Variants in HGF observed in about 807,000 individuals in gnomAD.
HGF encodes hepatocyte growth factor.
A neutral mutation model predicts 111.6 loss-of-function variants in HGF; 39 were observed. The ratio of observed to expected loss-of-function variants is 0.35; its 90% CI spans 0.27 to 0.46. The LOEUF (loss-of-function observed/expected upper bound fraction) is 0.46, where lower values mean the gene tolerates loss of function less well. Ranked by LOEUF, HGF falls within the 20% of genes least tolerant of loss-of-function variation. HGF has a pLI of 1.00. For missense variants in HGF, 735 were observed against 910.5 expected, an observed-to-expected ratio of 0.81 and a Z score of 2.48; for synonymous variants, 285 against 294.8, an observed-to-expected ratio of 0.97 and a Z score of 0.34.
At position 81,699,476 on chromosome 7, in the gene HGF, G is replaced by T. The variant is rs1034275731; in HGVS notation, c.*3105C>A. 6.6e-6 allele frequency: 1 copy of T among 151,476 alleles called. No individual in the cohort carries two copies. The highest frequency in any genetic ancestry group is 1.5e-5 in the Non-Finnish European group (1 of 67,664). The allele number at this position is 151,476 out of a possible 1,614,324, so 9.4% of individuals were successfully genotyped here. A position where few individuals can be genotyped will look rare whatever the true frequency, so the allele number is the denominator to read the frequency against. On this transcript the variant is annotated 3_prime_UTR_variant, in exon 18 of 18. Coordinates refer to ENST00000222390, the MANE Select transcript of HGF (RefSeq NM_000601.6). ...TTAGTTTTATTTTTTAAATGAGTTT[G>T]CCTATATGTATGGGATGTAATTAAT...
At chr7:81,736,293 C>T (rs1368033429) in intron 7 of HGF, among the ~76,000 whole-genome samples, 2 of 152,088 alleles carry the variant, frequency 1.3e-5, no homozygotes, top group Admixed American at 6.6e-5. Context: ...TCAAATGTGA[C>T]TCATTCCTTT....
chr7:81,723,589 T>C (rs1237168149), intron 9 of HGF, among the ~76,000 whole-genome samples: 1 of 151,128 alleles, frequency 6.6e-6, no homozygotes, highest in Non-Finnish European at 1.5e-5. Context: ...ATATAATATG[T>C]AGTGTTTTAT....
intron 17 of HGF, among the ~76,000 whole-genome samples, chr7:81,703,339 T>C (rs1406768284): frequency 6.6e-6 from 1 of 151,006 alleles, no homozygotes; most frequent in East Asian, 1.9e-4. Flanking sequence ...GAAATTGCTT[T>C]TCCAGGCAAG....
intron 11 of HGF, among the ~76,000 whole-genome samples, chr7:81,714,830 C>A (rs1476375226): frequency 6.6e-6 from 1 of 151,898 alleles, no homozygotes; most frequent in Non-Finnish European, 1.5e-5. Flanking sequence ...TATTATCACC[C>A]TTTCACCAGG....
At chr7:81,737,484 T>C (rs796576849) in intron 7 of HGF, among the ~76,000 whole-genome samples, 4 of 152,058 alleles carry the variant, frequency 2.6e-5, no homozygotes, top group African/African-American at 9.6e-5. Context: ...CTTTCAGGGG[T>C]CCAGGAGATC....
At chr7:81,707,653 C>G (rs1471462068) in intron 13 of HGF, among the ~76,000 whole-genome samples, 1 of 151,998 alleles carries the variant, frequency 6.6e-6, no homozygotes, top group African/African-American at 2.4e-5. Flanking sequence ...CACACATATT[C>G]GTGTGTATGT....
rs1316912141 is a variant in HGF at position 81,701,906 on chromosome 7, G to C, written c.*675C>G. 6.4e-6 allele frequency: 1 copy of C among 157,168 alleles called. No individual in the cohort carries two copies. Among genetic ancestry groups the C allele is most frequent in the African/African-American group, 2.4e-5 (1 of 41,538 alleles). 9.7% of individuals were successfully genotyped at this position (157,168 alleles called of 1,614,324 possible). A position where few individuals can be genotyped will look rare whatever the true frequency, so the allele number is the denominator to read the frequency against. Reference sequence around the variant, plus strand: ...TGCATCATTTTTTAATATTTCTACTGGTCTTTAGAGATTTCTGGTTTTTTT... The same window carrying C: ...TGCATCATTTTTTAATATTTCTACTCGTCTTTAGAGATTTCTGGTTTTTTT... On this transcript the variant is annotated 3_prime_UTR_variant, in exon 18 of 18. Coordinates refer to ENST00000222390, the MANE Select transcript of HGF (RefSeq NM_000601.6).
Position 81,705,676 on chromosome 7 carries a change from C to T in HGF, c.1835G>A (p.Cys612Tyr), listed in dbSNP as rs2115765538. Residue 612 changes from cysteine to tyrosine, a missense_variant, in exon 16 of 18, where the codon TGC (cysteine) becomes TAC (tyrosine). Around this residue, in one of 3 missense-constraint regions of HGF, gnomAD observed 130 missense variants for 129.9 expected, o/e 1.00. Coordinates refer to ENST00000222390, the MANE Select transcript of HGF (RefSeq NM_000601.6). ...AGTGTAGCCCCAGCCATAAACACTG[C>T]AACTGGTCTTTTCAGGAATTGTGCA... ...YGCTIPEKTS[C>Y]SVYGWGYTGL... The T allele has an allele frequency of 6.2e-7, 1 of 1,611,728 alleles. No individual in the cohort carries two copies. The highest frequency in any genetic ancestry group is 8.5e-7 in the Non-Finnish European group (1 of 1,178,178).
intron 8 of HGF, among the ~76,000 whole-genome samples, chr7:81,726,978 C>G (rs1376491725): frequency 6.6e-6 from 1 of 151,528 alleles, no homozygotes; most frequent in Non-Finnish European, 1.5e-5. Flanking sequence ...TCACTTAGGT[C>G]CAATTAGAAG....
At chr7:81,749,440 A>G (rs1465026435) in intron 5 of HGF, among the ~76,000 whole-genome samples, 1 of 152,142 alleles carries the variant, frequency 6.6e-6, no homozygotes, top group Non-Finnish European at 1.5e-5. Context: ...GTATAACTCT[A>G]TAAGGTTCTT....
chr7:81,705,825 G>T, intron 15 of HGF, 72 bp from the exon 16 acceptor site: 1 of 864,222 alleles, frequency 1.2e-6, no homozygotes, highest in Non-Finnish European at 1.9e-6. Flanking sequence ...TAAATGTAGT[G>T]TTCATGTTTA....
intron 7 of HGF, among the ~76,000 whole-genome samples, chr7:81,734,729 G>A (rs1787769462): frequency 6.6e-6 from 1 of 152,134 alleles, no homozygotes; most frequent in South Asian, 2.1e-4. Context: ...TAACTGGAGA[G>A]GAGGAGTGCA....
chr7:81,733,202 T>G (rs1020458973), intron 7 of HGF, among the ~76,000 whole-genome samples: 1 of 151,958 alleles, frequency 6.6e-6, no homozygotes, highest in Non-Finnish European at 1.5e-5. Context: ...GGCTTTGGAT[T>G]CAATAATTTA....
At chr7:81,711,600 C>T (rs1789571971) in intron 11 of HGF, 81 bp from the exon 12 acceptor site, 1 of 615,442 alleles carries the variant, frequency 1.6e-6, no homozygotes, top group Admixed American at 3.2e-5. Context: ...ATATTAAAAT[C>T]CAAGTATCAA....
At chr7:81,743,567 A>C (rs1376283936) in intron 6 of HGF, 96 bp from the exon 7 acceptor site, 2 of 838,170 alleles carry the variant, frequency 2.4e-6, no homozygotes, top group Non-Finnish European at 4.2e-6. Context: ...GGTTGTCTAC[A>C]CCTAGCTGGG....
chr7:81,760,680 CGTGTGT>C (rs55865050), intron 2 of HGF, among the ~76,000 whole-genome samples: 44,420 of 139,314 alleles, frequency 0.32, 6,809 homozygotes, highest in Admixed American at 0.36. Flanking sequence ...TATGTGCGTG[CGTGTGT>C]GTGTGTGTGT....
At chr7:81,751,137 A>G in intron 5 of HGF, 1 of 894,796 alleles carries the variant, frequency 1.1e-6, no homozygotes, top group Non-Finnish European at 1.3e-6. Context: ...ATATTAAATG[A>G]ATATTTATGG....
intron 9 of HGF, among the ~76,000 whole-genome samples, chr7:81,723,809 GATATACACACATATAGATAT>G (rs1188532920): frequency 6.6e-6 from 1 of 150,494 alleles, no homozygotes; most frequent in Non-Finnish European, 1.5e-5. Context: ...TATATAGATA[GATATACACACATATAGATAT>G]ATATACACAT....
At chr7:81,703,878 A>G (rs952269727) in intron 17 of HGF, among the ~76,000 whole-genome samples, 3 of 151,730 alleles carry the variant, frequency 2.0e-5, no homozygotes, top group African/African-American at 7.2e-5. Context: ...AAAGAAAAAT[A>G]GTTTATTCCA....
Sources: gnomAD v4.1 joint callset for allele counts (sites outside exome capture counted in the v4.1 genomes callset) on GRCh38, gnomAD v4.1.1 for gene constraint, gnomAD v4.1.1 regional missense constraint, MANE v1.5 for transcripts, NCBI Gene and HGNC (gene_info 2026-07-23, HGNC 2026-07-21) for gene names.